ADK: variants seen among roughly 807,000 people sequenced by gnomAD.
ADK encodes adenosine kinase.
Under a neutral mutation model 44.7 loss-of-function variants are expected in ADK, and 24 were observed. The observed-to-expected ratio is 0.54, with a 90% CI of 0.39 to 0.76. ADK has a LOEUF of 0.76. ADK is among the 30% of genes least tolerant of loss of function. The pLI, the probability that ADK is intolerant of heterozygous loss-of-function variation, is 0.00. For synonymous variants in ADK, 128 were observed against 142.6 expected (o/e 0.90, Z 0.73); for missense variants, 321 against 425.1 (o/e 0.76, Z 2.15).
intron 9 of ADK, among the ~76,000 whole-genome samples, chr10:74,603,848 T>G (rs1240972910): frequency 6.6e-6 from 1 of 152,248 alleles, no homozygotes; most frequent in East Asian, 1.9e-4. Context: ...ATGGTTGAAC[T>G]AATTTACACT....
intron 6 of ADK, among the ~76,000 whole-genome samples, chr10:74,415,037 G>GT (rs1397602235): frequency 6.6e-6 from 1 of 152,162 alleles, no homozygotes; most frequent in Non-Finnish European, 1.5e-5. Flanking sequence ...GATAGTATTG[G>GT]TTATGGGAGC....
intron 7 of ADK, among the ~76,000 whole-genome samples, chr10:74,542,284 C>A (rs1849665686): frequency 6.6e-6 from 1 of 152,138 alleles, no homozygotes; most frequent in African/African-American, 2.4e-5. Context: ...CTCAGCTAAG[C>A]CATGCCTGGA....
intron 1 of ADK, among the ~76,000 whole-genome samples, chr10:74,178,143 T>C (rs1842416184): frequency 6.6e-6 from 1 of 151,976 alleles, no homozygotes; most frequent in South Asian, 2.1e-4. Context: ...GGTTTCACCA[T>C]ATTGGCCAGG....
intron 9 of ADK, among the ~76,000 whole-genome samples, chr10:74,642,137 T>G (rs1026243709): frequency 6.6e-6 from 1 of 152,180 alleles, no homozygotes. Flanking sequence ...TTAAAGAGAT[T>G]AGCAAAAACT....
intron 1 of ADK, among the ~76,000 whole-genome samples, chr10:74,186,241 CCCTTCCGCCTTTCCCCTTTCCCTTCT>C (rs1842762559): frequency 6.7e-6 from 1 of 149,666 alleles, no homozygotes; most frequent in South Asian, 2.1e-4. Context: ...CTTTCCCTTC[CCCTTCCGCCTTTCCCCTTTCCCTTCT>C]CCCTTCTCCC....
intron 4 of ADK, among the ~76,000 whole-genome samples, chr10:74,332,953 C>A (rs1210485772): frequency 1.3e-5 from 2 of 151,996 alleles, no homozygotes; most frequent in Non-Finnish European, 2.9e-5. Context: ...TATTTTAGAT[C>A]ATTTTAGATG....
chr10:74,351,739 T>C (rs192610704), intron 4 of ADK, among the ~76,000 whole-genome samples: 1 of 152,216 alleles, frequency 6.6e-6, no homozygotes, highest in African/African-American at 2.4e-5. Flanking sequence ...AAAATCAATA[T>C]GCAGAAATCA....
chr10:74,370,229 C>T (rs1320421165), intron 4 of ADK, among the ~76,000 whole-genome samples: 2 of 152,096 alleles, frequency 1.3e-5, no homozygotes, highest in Middle Eastern at 3.2e-3. Context: ...CAATTGTACA[C>T]CTTAAATATG....
chr10:74,665,197 G>A (rs1854901684), intron 9 of ADK, among the ~76,000 whole-genome samples: 1 of 152,056 alleles, frequency 6.6e-6, no homozygotes, highest in Admixed American at 6.6e-5. Flanking sequence ...GTATTTTTCT[G>A]GGAACTTTTC....
chr10:74,494,283 C>A (rs1474964849), intron 6 of ADK, among the ~76,000 whole-genome samples: 1 of 152,134 alleles, frequency 6.6e-6, no homozygotes, highest in East Asian at 1.9e-4. Flanking sequence ...TACTTACCAA[C>A]TTCCTACTAT....
intron 3 of ADK, among the ~76,000 whole-genome samples, chr10:74,240,069 T>G (rs1446462559): frequency 1.3e-5 from 2 of 151,774 alleles, no homozygotes; most frequent in Non-Finnish European, 2.9e-5. Context: ...GGCTGGAGTA[T>G]AGTGGCACGA....
intron 5 of ADK, among the ~76,000 whole-genome samples, chr10:74,396,555 C>CA (rs2132841220): frequency 6.6e-6 from 1 of 152,138 alleles, no homozygotes; most frequent in African/African-American, 2.4e-5. Context: ...AAAAACAAAA[C>CA]AAAAAATTTC....
At chr10:74,202,915 T>A (rs989622843) in intron 2 of ADK, among the ~76,000 whole-genome samples, 1 of 152,214 alleles carries the variant, frequency 6.6e-6, no homozygotes, top group African/African-American at 2.4e-5. Flanking sequence ...TTACTTTAAT[T>A]TTTTGATAGT....
At chr10:74,632,574 G>A (rs1037194355) in intron 9 of ADK, among the ~76,000 whole-genome samples, 10 of 151,958 alleles carry the variant, frequency 6.6e-5, no homozygotes, top group African/African-American at 2.2e-4. Context: ...CTCTGTCTTC[G>A]CATGGCCTTC....
chr10:74,495,762 G>A (rs148156570), intron 6 of ADK, among the ~76,000 whole-genome samples: 46 of 152,208 alleles, frequency 3.0e-4, no homozygotes, highest in African/African-American at 1.0e-3. Context: ...CACTTGTCAG[G>A]CTATATGAGG....
intron 3 of ADK, among the ~76,000 whole-genome samples, chr10:74,275,406 G>C (rs923993961): frequency 6.6e-6 from 1 of 152,078 alleles, no homozygotes; most frequent in Non-Finnish European, 1.5e-5. Flanking sequence ...GGTGTGGTTT[G>C]AGAGACCAAA....
chr10:74,307,160 C>T (rs1438916805), intron 3 of ADK, among the ~76,000 whole-genome samples: 2 of 152,182 alleles, frequency 1.3e-5, no homozygotes, highest in Non-Finnish European at 2.9e-5. Flanking sequence ...CCTTCTAGGG[C>T]TTTCATTTCT....
intron 5 of ADK, among the ~76,000 whole-genome samples, chr10:74,395,271 C>A (rs1843468786): frequency 6.6e-6 from 1 of 152,032 alleles, no homozygotes; most frequent in Admixed American, 6.6e-5. Flanking sequence ...CCCCTCTCCA[C>A]CACGACCTTG....
intron 9 of ADK, among the ~76,000 whole-genome samples, chr10:74,614,174 G>T (rs1271776812): frequency 6.6e-6 from 1 of 152,074 alleles, no homozygotes. Context: ...ATTTAGTTCA[G>T]TGATCTCAAG....
Sources: allele counts gnomAD v4.1 joint callset (sites outside exome capture counted in the v4.1 genomes callset), GRCh38; gene constraint gnomAD v4.1.1; transcripts MANE v1.5; gene names NCBI Gene and HGNC (gene_info 2026-07-23, HGNC 2026-07-21).